TRAPPC9: variants seen among roughly 807,000 people sequenced by gnomAD.
TRAPPC9 encodes trafficking protein particle complex subunit 9.
Under a neutral mutation model 124.0 loss-of-function variants are expected in TRAPPC9, and 83 were observed. The ratio of observed to expected loss-of-function variants is 0.67; its 90% confidence interval spans 0.56 to 0.80. TRAPPC9 has a LOEUF of 0.80. Among genes scored for constraint, TRAPPC9 ranks in the 30% least tolerant of loss-of-function variants. The pLI is 0.00. For missense variants in TRAPPC9, 1,302 were observed against 1,508.3 expected (o/e 0.86, Z 2.27); for synonymous variants, 638 against 617.5 (o/e 1.03, Z -0.49).
chr8:140,352,137 C>T (rs1338450595), intron 9 of TRAPPC9, among the ~76,000 whole-genome samples: 1 of 152,180 alleles, frequency 6.6e-6, no homozygotes, highest in Non-Finnish European at 1.5e-5. Flanking sequence ...AATTCAGAGC[C>T]TGGCTTCCTT....
intron 21 of TRAPPC9, among the ~76,000 whole-genome samples, chr8:139,794,580 G>A (rs1415689516): frequency 6.6e-6 from 1 of 152,186 alleles, no homozygotes; most frequent in Admixed American, 6.5e-5. Flanking sequence ...GGAAAGCCAG[G>A]TGTGAACCCT....
At chr8:140,198,955 G>C (rs1291467109) in intron 17 of TRAPPC9, among the ~76,000 whole-genome samples, 2 of 151,904 alleles carry the variant, frequency 1.3e-5, no homozygotes, top group African/African-American at 4.9e-5. Flanking sequence ...ACGGAAAGAG[G>C]GAGACAGATG....
intron 19 of TRAPPC9, among the ~76,000 whole-genome samples, chr8:139,953,144 C>T (rs1326559618): frequency 6.6e-6 from 1 of 152,234 alleles, no homozygotes; most frequent in African/African-American, 2.4e-5. Flanking sequence ...GCACTATCTA[C>T]AACAACTAAC....
intron 21 of TRAPPC9, 22 bp from the exon 22 acceptor site, chr8:139,732,224 CG>C: frequency 6.4e-7 from 1 of 1,554,572 alleles, no homozygotes; most frequent in Non-Finnish European, 8.6e-7. Flanking sequence ...ACGAGACTGT[CG>C]GGGGCTGGGC....
intron 5 of TRAPPC9, among the ~76,000 whole-genome samples, chr8:140,422,775 T>C (rs1486959565): frequency 1.3e-5 from 2 of 149,444 alleles, no homozygotes; most frequent in African/African-American, 4.9e-5. Context: ...AAAAAACTGT[T>C]ACAACTCAAC....
rs549555577 is a variant in TRAPPC9, at chr8:140,077,999, CA to C, written c.2557-53921del. ...GTCATGGAGATAAAATAATTAGATA[CA>C]AAGTGTGAAAAACCAGTAACACTAG... On this transcript the variant is annotated intron_variant, in intron 17 of 22. Coordinates refer to ENST00000438773, the MANE Select transcript of TRAPPC9 (RefSeq NM_001160372.4). Among the ~76,000 whole-genome samples, 21 of 152,206 alleles carry C rather than the reference CA, an allele frequency of 1.4e-4. No individual in the cohort carries two copies. In the South Asian group the frequency reaches 1.5e-3, roughly 11 times the overall value.
At chr8:140,101,058 A>G (rs1209718761) in intron 17 of TRAPPC9, among the ~76,000 whole-genome samples, 1 of 152,180 alleles carries the variant, frequency 6.6e-6, no homozygotes, top group Non-Finnish European at 1.5e-5. Flanking sequence ...TGCTATTTGA[A>G]CCATTTATGT....
chr8:139,949,824 T>C (rs1323475600), intron 19 of TRAPPC9, among the ~76,000 whole-genome samples: 1 of 152,122 alleles, frequency 6.6e-6, no homozygotes, highest in Non-Finnish European at 1.5e-5. Flanking sequence ...AAATCAATCA[T>C]GGTAACGGCT....
chr8:140,388,040 G>T (rs1334879520), intron 7 of TRAPPC9, among the ~76,000 whole-genome samples: 1 of 151,902 alleles, frequency 6.6e-6, no homozygotes, highest in African/African-American at 2.4e-5. Flanking sequence ...ATACTATGCA[G>T]CCATAAAAAA....
chr8:140,394,849 G>A (rs2069040618), intron 7 of TRAPPC9, among the ~76,000 whole-genome samples: 1 of 152,144 alleles, frequency 6.6e-6, no homozygotes, highest in Non-Finnish European at 1.5e-5. Flanking sequence ...ACCTCCTCCG[G>A]GAAGCCCTCC....
intron 7 of TRAPPC9, among the ~76,000 whole-genome samples, chr8:140,373,364 C>T (rs891488159): frequency 6.6e-6 from 1 of 152,250 alleles, no homozygotes; most frequent in Admixed American, 6.5e-5. Flanking sequence ...CACACAGGCT[C>T]TCTGCTCCTG....
In TRAPPC9 at chr8:140,018,324, A is replaced by ATTTTTTCTTTT. The variant is rs765656679; in HGVS notation, c.2699+5612_2699+5613insAAAAGAAAAAA. Reference sequence around the variant, plus strand: ...TTGCTGGTATATAGAAACGTAAGTGATTTTTTTTTTTTTTTTTGAGACGGA... The same window carrying ATTTTTTCTTTT: ...TTGCTGGTATATAGAAACGTAAGTGATTTTTTCTTTTTTTTTTTTTTTTTTTTTGAGACGGA... On this transcript the variant is annotated intron_variant, in intron 18 of 22. Coordinates refer to ENST00000438773, the MANE Select transcript of TRAPPC9 (RefSeq NM_001160372.4). Among the ~76,000 whole-genome samples the ATTTTTTCTTTT allele has an allele frequency of 1.8e-4, 22 of 119,786 alleles. 9 individuals carry two copies. Among genetic ancestry groups the ATTTTTTCTTTT allele is most frequent in the Admixed American group, 3.7e-4 (4 of 10,944 alleles). 78.6% of individuals were successfully genotyped at this position (119,786 alleles called of 152,430 possible).
chr8:140,138,374 C>T (rs1325848917), intron 17 of TRAPPC9, among the ~76,000 whole-genome samples: 1 of 152,164 alleles, frequency 6.6e-6, no homozygotes, highest in African/African-American at 2.4e-5. Flanking sequence ...GTGTTAGGCA[C>T]TGTGTGTATG....
At chr8:140,426,502 A>T in intron 5 of TRAPPC9, 113 bp downstream of exon 5, 2 of 1,119,612 alleles carry the variant, frequency 1.8e-6, no homozygotes, top group Non-Finnish European at 2.7e-6. Context: ...AAGTTACTTA[A>T]ATCAGAATGT....
chr8:139,779,237 T>C (rs548645416), intron 21 of TRAPPC9, among the ~76,000 whole-genome samples: 1 of 152,218 alleles, frequency 6.6e-6, no homozygotes. Context: ...ACTGTTAACC[T>C]AGAATTCTGA....
chr8:139,987,545 CAGAG>C (rs34718647), intron 19 of TRAPPC9, among the ~76,000 whole-genome samples: 251 of 148,936 alleles, frequency 1.7e-3, no homozygotes, highest in Middle Eastern at 3.5e-3. Flanking sequence ...ATGAAAGAGG[CAGAG>C]AGAGAGAGAG....
chr8:140,419,033 C>T (rs1025823137), intron 5 of TRAPPC9, among the ~76,000 whole-genome samples: 1 of 152,228 alleles, frequency 6.6e-6, no homozygotes, highest in African/African-American at 2.4e-5. Flanking sequence ...GTGGCTCACG[C>T]CTGTAATCCC....
At position 140,015,370 on chromosome 8, in the gene TRAPPC9, G is replaced by C. The variant is rs370658688; in HGVS notation, c.2699+8567C>G. On this transcript the variant is annotated intron_variant, in intron 18 of 22. Coordinates refer to ENST00000438773, the MANE Select transcript of TRAPPC9 (RefSeq NM_001160372.4). ...AACTCTAACATGGCGTGATGCCAGA[G>C]TACAAATCTTCACCTGTGAGCAAAA... 2.0e-5 allele frequency among the ~76,000 whole-genome samples: 3 copies of C among 152,326 alleles called. No individual in the cohort carries two copies. The East Asian group carries it at 5.8e-4, about 29-fold the overall frequency.
chr8:140,172,142 A>C (rs570266705), intron 17 of TRAPPC9, among the ~76,000 whole-genome samples: 32 of 152,314 alleles, frequency 2.1e-4, no homozygotes, highest in African/African-American at 7.2e-4. Flanking sequence ...ATTCAGGAGG[A>C]AGGGCAGGCA....
Sources: allele counts gnomAD v4.1 joint callset (sites outside exome capture counted in the v4.1 genomes callset), GRCh38; gene constraint gnomAD v4.1.1; transcripts MANE v1.5; gene names NCBI Gene and HGNC (gene_info 2026-07-23, HGNC 2026-07-21).